The following ARFGAP3 variants were observed in gnomAD, a reference collection of about 807,000 sequenced individuals.
ARFGAP3 encodes the protein ADP-ribosylation factor GTPase-activating protein 3.
ARFGAP3 carries 72 observed loss-of-function variants against 75.0 expected under a neutral mutation model. The ratio of observed to expected loss-of-function variants is 0.96; its 90% CI spans 0.79 to 1.17. The LOEUF is 1.17. ARFGAP3 is among the 50% of genes most tolerant of loss of function. The pLI is 0.00. For missense variants in ARFGAP3, 620 were observed against 626.6 expected, an observed-to-expected ratio of 0.99 and a Z score of 0.11; for synonymous variants, 221 against 217.9, an observed-to-expected ratio of 1.01 and a Z score of -0.13.
At chr22:42,815,344 G>C (rs1925529552) in intron 11 of ARFGAP3, among the ~76,000 whole-genome samples, 1 of 151,582 alleles carries the variant, frequency 6.6e-6, no homozygotes, top group Admixed American at 6.6e-5. Flanking sequence ...AGGCTGCAAA[G>C]GATAGGCAAA....
chr22:42,827,164 C>T (rs1926078357), intron 6 of ARFGAP3, 165 bp from the exon 7 acceptor site: 1 of 853,226 alleles, frequency 1.2e-6, no homozygotes, highest in Non-Finnish European at 1.4e-6. Context: ...AGAATTTTGA[C>T]TTAAAAGTCC....
intron 11 of ARFGAP3, 106 bp downstream of exon 11, chr22:42,817,036 T>C: frequency 1.2e-6 from 1 of 831,688 alleles, no homozygotes; most frequent in East Asian, 2.7e-5. Context: ...TTAAAAACAG[T>C]GAAGTAAATT....
intron 11 of ARFGAP3, among the ~76,000 whole-genome samples, chr22:42,812,332 A>G (rs1199033191): frequency 6.6e-6 from 1 of 152,118 alleles, no homozygotes; most frequent in African/African-American, 2.4e-5. Context: ...AGGCAGTCCA[A>G]GAAGTTCAGA....
At chr22:42,823,917 C>A in intron 7 of ARFGAP3, 1 of 239,988 alleles carries the variant, frequency 4.2e-6, no homozygotes, top group Non-Finnish European at 6.6e-6. Flanking sequence ...ACGCAGTCTC[C>A]AAACTCAGAG....
chr22:42,805,313 A>AT (rs1322852604), intron 14 of ARFGAP3, among the ~76,000 whole-genome samples: 1 of 152,208 alleles, frequency 6.6e-6, no homozygotes, highest in African/African-American at 2.4e-5. Context: ...ATCTCCAAAT[A>AT]TTTTTTTAAA....
intron 3 of ARFGAP3, among the ~76,000 whole-genome samples, chr22:42,836,542 G>A (rs1196150952): frequency 6.6e-6 from 1 of 152,154 alleles, no homozygotes; most frequent in Non-Finnish European, 1.5e-5. Context: ...ATCATTAACA[G>A]ATACTACAAT....
rs558718916 is a variant in ARFGAP3, at chr22:42,854,731, A to G, written c.69+2383T>C. ...ACGAAGAAATTGGATACCATGTTCTAAAAGTAAGCCGACTTGTTTTTCTTT... is the reference window on the plus strand; with the variant it reads ...ACGAAGAAATTGGATACCATGTTCTGAAAGTAAGCCGACTTGTTTTTCTTT... On this transcript the variant is annotated intron_variant, in intron 1 of 15. Coordinates refer to ENST00000263245, the MANE Select transcript of ARFGAP3 (RefSeq NM_014570.5). Among the ~76,000 whole-genome samples, 6 of 152,320 alleles carry G rather than the reference A, an allele frequency of 3.9e-5. No homozygotes were observed. The South Asian group carries it at 1.2e-3, about 32-fold the overall frequency.
chr22:42,845,863 G>C (rs919049330), intron 2 of ARFGAP3, among the ~76,000 whole-genome samples: 1 of 151,842 alleles, frequency 6.6e-6, no homozygotes, highest in Non-Finnish European at 1.5e-5. Flanking sequence ...CAAGGTGAAA[G>C]CCCATCTCTA....
rs115427936 is a variant in ARFGAP3, at chr22:42,803,223, T to G, written c.1411+3850A>C. 5.4e-3 allele frequency among the ~76,000 whole-genome samples: 820 copies of G among 152,302 alleles called. 6 individuals carry two copies. The highest frequency in any genetic ancestry group is 0.018 in the African/African-American group (750 of 41,566). On this transcript the variant is annotated intron_variant, in intron 14 of 15. Transcript: ENST00000263245. ...TCCCACTATGTTGTCCAGGCTGGTC[T>G]GGAACTCCTGGGGCCACTGCACAGC...
rs374639425 is a variant in ARFGAP3 at position 42,831,545 on chromosome 22, C to A, written c.565+4G>T. ...GTATTACATGACAGTTCTAAGGACT[C>A]CACCTTCATTATTTTCCAAAGTGGT... On this transcript the variant is annotated splice_donor_region_variant and intron_variant, in intron 6 of 15. Coordinates refer to ENST00000263245, the MANE Select transcript of ARFGAP3 (RefSeq NM_014570.5). The A allele has an allele frequency of 2.2e-4, 350 of 1,613,134 alleles. 1 individual carries two copies. Among genetic ancestry groups the A allele is most frequent in the Non-Finnish European group, 2.7e-4 (323 of 1,179,534 alleles).
chr22:42,844,997 C>T (rs4820489), intron 2 of ARFGAP3, among the ~76,000 whole-genome samples: 3 of 152,080 alleles, frequency 2.0e-5, no homozygotes, highest in East Asian at 3.9e-4. Context: ...CCTTCCCTCA[C>T]GGAGGAACAC....
chr22:42,848,808 T>C (rs1927140416), intron 1 of ARFGAP3, among the ~76,000 whole-genome samples: 1 of 152,338 alleles, frequency 6.6e-6, no homozygotes, highest in Middle Eastern at 3.4e-3. Context: ...GGTATTTGCA[T>C]CCCGTGTAAT....
rs1347596110 is a variant in ARFGAP3, at chr22:42,834,290, G to A, written c.429C>T (p.Ser143=). 9 of 1,613,674 alleles carry A rather than the reference G, an allele frequency of 5.6e-6. No individual in the cohort carries two copies. The highest frequency in any genetic ancestry group is 5.0e-5 in the Admixed American group (3 of 59,962). The part of the protein sequence containing the change: ...WLDSCVVPPL[S]PPPKEEDFFA... ...AAAAATCTTCCTCCTTTGGTGGAGG[G>A]GACAAAGGTGGAACCACACAACTAT... is the stretch of plus-strand genomic sequence containing the variant. The change falls in exon 5 of 16, where the codon TCC becomes TCT. Residue 143 remains serine, a synonymous_variant. Coordinates refer to ENST00000263245, the MANE Select transcript of ARFGAP3 (RefSeq NM_014570.5).
chr22:42,842,621 G>A (rs146496329), intron 2 of ARFGAP3, among the ~76,000 whole-genome samples: 1 of 151,602 alleles, frequency 6.6e-6, no homozygotes, highest in Non-Finnish European at 1.5e-5. Flanking sequence ...GCTAATTTTC[G>A]TAATTTTAGT....
At chr22:42,834,026 G>A (rs1569160294) in intron 5 of ARFGAP3, among the ~76,000 whole-genome samples, 3 of 152,182 alleles carry the variant, frequency 2.0e-5, no homozygotes, top group Non-Finnish European at 1.5e-5. Flanking sequence ...ACCCTGAGAT[G>A]GAAGCCACAT....
intron 9 of ARFGAP3, among the ~76,000 whole-genome samples, chr22:42,819,209 T>A (rs1323749138): frequency 6.6e-6 from 1 of 152,206 alleles, no homozygotes; most frequent in Non-Finnish European, 1.5e-5. Context: ...GGCAGTTTGT[T>A]TTCCTTACTC....
chr22:42,805,994 C>G (rs1156259191), intron 14 of ARFGAP3, among the ~76,000 whole-genome samples: 1 of 152,236 alleles, frequency 6.6e-6, no homozygotes, highest in Non-Finnish European at 1.5e-5. Flanking sequence ...AAACCACAAC[C>G]CAGAATGTCC....
In ARFGAP3 at chr22:42,815,519, A is replaced by T. The variant is rs184692163; in HGVS notation, c.1064+1623T>A. On this transcript the variant is annotated intron_variant, in intron 11 of 15. Transcript: ENST00000263245. The stretch of plus-strand genomic sequence containing the variant: ...TTTATACAATTCCTTGTCTATAAAC[A>T]TTGATAGGAAAATATACAATTTCAC... 7.2e-5 allele frequency among the ~76,000 whole-genome samples: 11 copies of T among 152,112 alleles called. No homozygotes were observed. The East Asian group carries it at 2.1e-3, about 29-fold the overall frequency.
chr22:42,826,669 G>A (rs964408943), intron 7 of ARFGAP3, among the ~76,000 whole-genome samples: 4 of 152,048 alleles, frequency 2.6e-5, no homozygotes, highest in African/African-American at 7.2e-5. Context: ...TAAAGCGTTA[G>A]GATTACAGGT....
Sources: gnomAD v4.1 joint callset for allele counts (sites outside exome capture counted in the v4.1 genomes callset) on GRCh38, gnomAD v4.1.1 for gene constraint, MANE v1.5 for transcripts, NCBI Gene and HGNC (gene_info 2026-07-23, HGNC 2026-07-21) for gene names.